The following DNAJC13 variants were observed in gnomAD, a reference collection of about 807,000 sequenced individuals.
DNAJC13 encodes DnaJ heat shock protein family (Hsp40) member C13.
Under a neutral mutation model 290.5 loss-of-function variants are expected in DNAJC13, and 75 were observed. The observed-to-expected ratio is 0.26, with a 90% CI of 0.21 to 0.31. DNAJC13 has a LOEUF of 0.31. Ranked by LOEUF, DNAJC13 falls within the 10% of genes least tolerant of loss-of-function variation. The pLI is 1.00. For missense variants in DNAJC13, 2,260 were observed against 2,674.5 expected, an observed-to-expected ratio of 0.85 and a Z score of 3.42; for synonymous variants, 862 against 892.0, an observed-to-expected ratio of 0.97 and a Z score of 0.60.
chr3:132,454,233 A>C (rs1933512901), intron 9 of DNAJC13, 76 bp downstream of exon 9: 1 of 975,936 alleles, frequency 1.0e-6, no homozygotes, highest in African/African-American at 1.7e-5. Flanking sequence ...AAAACCAAAG[A>C]TATGTAGTCT....
rs181815949 is a variant in DNAJC13, at chr3:132,431,622, G to C, written c.-13-2916G>C. Among the ~76,000 whole-genome samples, 11 of 152,188 alleles carry C rather than the reference G, an allele frequency of 7.2e-5. No homozygotes were observed. In the East Asian group the frequency reaches 2.1e-3, roughly 29 times the overall value. On this transcript the variant is annotated intron_variant, in intron 1 of 55. Transcript: ENST00000260818. ...AAAATAAGGGTATCTTTTAAAAAAT[G>C]TTTTTACCACTCAGGTATATACCTA... is the stretch of plus-strand genomic sequence containing the variant.
At chr3:132,471,835 A>G (rs1186233693) in intron 20 of DNAJC13, among the ~76,000 whole-genome samples, 1 of 147,720 alleles carries the variant, frequency 6.8e-6, no homozygotes, top group African/African-American at 2.4e-5. Flanking sequence ...ATCACTTCCC[A>G]GACGGGGTGG....
intron 15 of DNAJC13, among the ~76,000 whole-genome samples, chr3:132,461,527 G>A (rs569317361): frequency 6.6e-6 from 1 of 152,330 alleles, no homozygotes; most frequent in East Asian, 1.9e-4. Context: ...GGTTGGACAA[G>A]CTTGATCTAT....
rs71620527 is a variant in DNAJC13 at position 132,427,106 on chromosome 3, CGT to C, written c.-13-7419_-13-7418del. 6.5e-5 allele frequency among the ~76,000 whole-genome samples: 8 copies of C among 123,526 alleles called. No individual in the cohort carries two copies. The East Asian group carries it at 8.9e-4, about 14-fold the overall frequency. 81.0% of individuals were successfully genotyped at this position (123,526 alleles called of 152,430 possible). On this transcript the variant is annotated intron_variant, in intron 1 of 55. Transcript: ENST00000260818. ...GTGTGTGTGTGTGTGTGTGTGTGCACGTGTGTGTGTGTGTATATATATATATA... is the reference window on the plus strand; with the variant it reads ...GTGTGTGTGTGTGTGTGTGTGTGCACGTGTGTGTGTGTATATATATATATA...
rs10663131 is a variant in DNAJC13 at position 132,487,559 on chromosome 3, A to ATTTTTTTTTTTTTTTTTTTTT, written c.3268-719_3268-718insTTTTTTTTTTTTTTTTTTTTT. On this transcript the variant is annotated intron_variant, in intron 29 of 55. Coordinates refer to ENST00000260818, the MANE Select transcript of DNAJC13 (RefSeq NM_015268.4). ...GCGTGAGCCACCATGCCTGGCTGTAATTTTTTTTTTTTTTTTTTTTACTGG... is the reference window on the plus strand; with the variant it reads ...GCGTGAGCCACCATGCCTGGCTGTAATTTTTTTTTTTTTTTTTTTTTTTTTTTTTTTTTTTTTTTTTACTGG... Among the ~76,000 whole-genome samples, 153 of 110,412 alleles carry ATTTTTTTTTTTTTTTTTTTTT rather than the reference A, an allele frequency of 1.4e-3. 26 individuals carry two copies. Among genetic ancestry groups the ATTTTTTTTTTTTTTTTTTTTT allele is most frequent in the African/African-American group, 7.9e-3 (149 of 18,762 alleles). The allele number at this position is 110,412 out of a possible 152,430, so 72.4% of individuals were successfully genotyped here. A position where few individuals can be genotyped will look rare whatever the true frequency, so the allele number is the denominator to read the frequency against.
intron 53 of DNAJC13, among the ~76,000 whole-genome samples, 159 bp downstream of exon 53, chr3:132,526,440 C>T (rs1013963430): frequency 2.0e-5 from 3 of 152,018 alleles, no homozygotes; most frequent in African/African-American, 7.2e-5. Flanking sequence ...TATACAAACA[C>T]ATACAGTAGT....
chr3:132,502,961 A>C (rs1443756901), intron 40 of DNAJC13, among the ~76,000 whole-genome samples: 1 of 152,150 alleles, frequency 6.6e-6, no homozygotes, highest in Admixed American at 6.5e-5. Flanking sequence ...TGCTTCTTCC[A>C]GTTGTCTGTG....
At chr3:132,421,475 T>C (rs749763555) in intron 1 of DNAJC13, among the ~76,000 whole-genome samples, 2 of 152,284 alleles carry the variant, frequency 1.3e-5, no homozygotes, top group South Asian at 2.1e-4. Context: ...TTTGTGTGTG[T>C]GAGAGACAAT....
chr3:132,445,670 G>A (rs1307373350), intron 2 of DNAJC13, among the ~76,000 whole-genome samples: 2 of 151,990 alleles, frequency 1.3e-5, no homozygotes, highest in Non-Finnish European at 2.9e-5. Flanking sequence ...AAATTTGTCA[G>A]CATAGAGTTA....
chr3:132,461,621 C>G (rs961637668), intron 15 of DNAJC13, among the ~76,000 whole-genome samples: 1 of 152,106 alleles, frequency 6.6e-6, no homozygotes, highest in African/African-American at 2.4e-5. Flanking sequence ...CATGTAGAGT[C>G]CCATTGATGG....
Position 132,466,043 on chromosome 3 carries a change from T to C in DNAJC13, c.1941T>C (p.Thr647=). 6.2e-7 allele frequency: 1 copy of C among 1,614,058 alleles called. No homozygotes were observed. The highest frequency in any genetic ancestry group is 8.5e-7 in the Non-Finnish European group (1 of 1,179,920). Residue 647 remains threonine (T), a synonymous_variant, in exon 18 of 56, where the codon ACT becomes ACC. Coordinates refer to ENST00000260818, the MANE Select transcript of DNAJC13 (RefSeq NM_015268.4). ...LVGLWTADNA[T]ATNLLKRILP... ...GACTCTGGACAGCTGATAATGCAACTGCAACAAACTTGTTGAAACGCATTT... is the reference window on the plus strand; with the variant it reads ...GACTCTGGACAGCTGATAATGCAACCGCAACAAACTTGTTGAAACGCATTT...
intron 35 of DNAJC13, among the ~76,000 whole-genome samples, 153 bp from the exon 36 acceptor site, chr3:132,496,375 G>A (rs972249296): frequency 1.3e-5 from 2 of 151,994 alleles, no homozygotes; most frequent in Non-Finnish European, 2.9e-5. Flanking sequence ...CACCTTAACA[G>A]TATACCAGCT....
At position 132,503,919 on chromosome 3, in the gene DNAJC13, A is replaced by G. The variant is rs190034832; in HGVS notation, c.4884+538A>G. ...TTGAGAAATAATCTGAGAATGTAGCACTAAAGAATTTGATAAACTATAGAA... is the reference window on the plus strand; with the variant it reads ...TTGAGAAATAATCTGAGAATGTAGCGCTAAAGAATTTGATAAACTATAGAA... On this transcript the variant is annotated intron_variant, in intron 41 of 55. Coordinates refer to ENST00000260818, the MANE Select transcript of DNAJC13 (RefSeq NM_015268.4). Among the ~76,000 whole-genome samples the G allele has an allele frequency of 2.2e-3, 340 of 152,256 alleles. 4 individuals carry two copies. Among genetic ancestry groups the G allele is most frequent in the Non-Finnish European group, 1.4e-3 (96 of 68,014 alleles).
intron 9 of DNAJC13, among the ~76,000 whole-genome samples, chr3:132,454,478 C>T (rs1481120277): frequency 9.9e-5 from 15 of 151,720 alleles, no homozygotes; most frequent in Admixed American, 3.3e-4. Context: ...TGCGCCACCA[C>T]GCCCAGCTAA....
At chr3:132,518,715 A>G (rs1935996665) in intron 48 of DNAJC13, among the ~76,000 whole-genome samples, 1 of 152,126 alleles carries the variant, frequency 6.6e-6, no homozygotes. Flanking sequence ...TTGACATACC[A>G]TACAGTTCAC....
chr3:132,495,718 T>A (rs1258300053), intron 35 of DNAJC13, among the ~76,000 whole-genome samples: 1 of 152,122 alleles, frequency 6.6e-6, no homozygotes, highest in East Asian at 1.9e-4. Context: ...TGGAATAATT[T>A]CCACTGATTT....
At chr3:132,473,675 C>G (rs774608918) in intron 21 of DNAJC13, among the ~76,000 whole-genome samples, 3 of 152,030 alleles carry the variant, frequency 2.0e-5, no homozygotes, top group Admixed American at 6.6e-5. Flanking sequence ...CCCTGCACCC[C>G]CTTCCTGGAC....
intron 1 of DNAJC13, among the ~76,000 whole-genome samples, chr3:132,429,058 A>G (rs985026223): frequency 6.6e-6 from 1 of 152,216 alleles, no homozygotes; most frequent in East Asian, 1.9e-4. Flanking sequence ...AGCTTATATA[A>G]AGAAGGAAAT....
rs760814082 is a variant in DNAJC13 at position 132,499,193 on chromosome 3, T to A, written c.4224T>A (p.Asp1408Glu). The A allele has an allele frequency of 1.9e-6, 3 of 1,614,034 alleles. No homozygotes were observed. Among genetic ancestry groups the A allele is most frequent in the African/African-American group, 2.7e-5 (2 of 74,936 alleles). Residue 1408 changes from aspartate (D) to glutamate (E), a missense_variant, in exon 37 of 56, where the codon GAT (aspartate) becomes GAA (glutamate). By Grantham distance (45) the Asp-to-Glu change is conservative (BLOSUM62 2). Transcript: ENST00000260818. ...GGACTATAACAATGGAAACTTCAGA[T>A]GACCTCCTTTTCTCAAAAGAATCAC... ...LIRTITMETSDDLLFSKESPL... is the reference protein window; with the variant it reads ...LIRTITMETSEDLLFSKESPL...
Sources: gnomAD v4.1 joint callset for allele counts (sites outside exome capture counted in the v4.1 genomes callset) on GRCh38, gnomAD v4.1.1 for gene constraint, MANE v1.5 for transcripts, NCBI Gene and HGNC (gene_info 2026-07-23, HGNC 2026-07-21) for gene names.